The following ITGA6 variants were observed in gnomAD, a reference collection of about 807,000 sequenced individuals.
ITGA6 encodes the protein integrin subunit alpha 6, also known as integrin alpha-6.
In ITGA6, 63 loss-of-function variants were observed where a neutral mutation model predicts 133.6. The ratio of observed to expected loss-of-function variants is 0.47; its 90% CI spans 0.38 to 0.58. The LOEUF is 0.58. Ranked by LOEUF, ITGA6 falls within the 20% of genes least tolerant of loss-of-function variation. The probability of loss-of-function intolerance (pLI) is 0.00; values close to 1 mark genes in which losing one functional copy is unlikely to be tolerated. For missense variants in ITGA6, 1,068 were observed against 1,309.4 expected (o/e 0.82, Z 2.85); for synonymous variants, 434 against 482.0 (o/e 0.90, Z 1.30).
intron 1 of ITGA6, among the ~76,000 whole-genome samples, chr2:172,443,095 A>G (rs1183560640): frequency 6.6e-6 from 1 of 152,192 alleles, no homozygotes; most frequent in Non-Finnish European, 1.5e-5. Flanking sequence ...GGAGGCAACC[A>G]TTGTTTTACC....
rs377437086 is a variant in ITGA6, at chr2:172,505,548, A to G, written c.*1480A>G. On this transcript the variant is annotated 3_prime_UTR_variant, in exon 26 of 26. Coordinates refer to ENST00000684293, the MANE Select transcript of ITGA6 (RefSeq NM_000210.4). ...AGGGGGTGGAATTATTACTCTATAC[A>G]TTCAACAGAGACTGAATAGATATGA... The G allele has an allele frequency of 6.6e-6, 1 of 152,630 alleles. No individual in the cohort carries two copies. Among genetic ancestry groups the G allele is most frequent in the Non-Finnish European group, 1.5e-5 (1 of 68,032 alleles). The allele number at this position is 152,630 out of a possible 1,614,324, so 9.5% of individuals were successfully genotyped here. A position where few individuals can be genotyped will look rare whatever the true frequency, so the allele number is the denominator to read the frequency against.
chr2:172,487,854 A>T (rs1455262249), intron 17 of ITGA6, 47 bp downstream of exon 17: 1 of 1,501,118 alleles, frequency 6.7e-7, no homozygotes. Context: ...TCATGAAAAT[A>T]TGGGCAGTCA....
At chr2:172,488,506 CT>C (rs1283853948) in intron 19 of ITGA6, among the ~76,000 whole-genome samples, 3 of 152,166 alleles carry the variant, frequency 2.0e-5, no homozygotes, top group Non-Finnish European at 4.4e-5. Context: ...TTTCTCACTG[CT>C]TGTGGTTGAA....
At chr2:172,436,426 G>A (rs1420197381) in intron 1 of ITGA6, among the ~76,000 whole-genome samples, 2 of 152,212 alleles carry the variant, frequency 1.3e-5, no homozygotes, top group African/African-American at 4.8e-5. Flanking sequence ...CTGAGAAGGG[G>A]TTGTAGGAAT....
intron 1 of ITGA6, among the ~76,000 whole-genome samples, chr2:172,437,607 G>C (rs1343944076): frequency 6.6e-6 from 1 of 152,140 alleles, no homozygotes; most frequent in Non-Finnish European, 1.5e-5. Context: ...AGCCAAGTGA[G>C]TTATTTAGGC....
At chr2:172,446,527 G>A (rs1001025010) in intron 1 of ITGA6, among the ~76,000 whole-genome samples, 2 of 152,208 alleles carry the variant, frequency 1.3e-5, no homozygotes, top group African/African-American at 2.4e-5. Flanking sequence ...TCTACTATGT[G>A]CCGAGCACTG....
At chr2:172,452,462 G>T (rs921948242) in intron 1 of ITGA6, among the ~76,000 whole-genome samples, 1 of 152,122 alleles carries the variant, frequency 6.6e-6, no homozygotes, top group Non-Finnish European at 1.5e-5. Flanking sequence ...GGGATTGGGG[G>T]CTGGGCACGT....
intron 23 of ITGA6, among the ~76,000 whole-genome samples, chr2:172,496,253 A>G (rs1687123536): frequency 6.6e-6 from 1 of 152,210 alleles, no homozygotes; most frequent in African/African-American, 2.4e-5. Context: ...GGAGAGGGGA[A>G]GTGAGCCACG....
At chr2:172,484,717 C>G (rs1486292380) in intron 11 of ITGA6, 65 bp from the exon 12 acceptor site, 3 of 1,349,234 alleles carry the variant, frequency 2.2e-6, no homozygotes, top group Non-Finnish European at 3.2e-6. Flanking sequence ...AAAAGGAGTT[C>G]AACATGCTTG....
intron 5 of ITGA6, chr2:172,472,996 C>T (rs1686012652): frequency 5.7e-6 from 4 of 697,092 alleles, no homozygotes; most frequent in Non-Finnish European, 1.0e-5. Context: ...ATTTTGTTTC[C>T]ATTGAAGCAC....
chr2:172,474,257 C>T lies in ITGA6; in HGVS notation c.978C>T (p.Asn326=). 1 of 1,613,672 alleles carries T rather than the reference C, an allele frequency of 6.2e-7. No individual in the cohort carries two copies. The highest frequency in any genetic ancestry group is 8.5e-7 in the Non-Finnish European group (1 of 1,179,750). Residue 326 remains asparagine, a synonymous_variant, in exon 6 of 26, where the codon AAC becomes AAT. Transcript: ENST00000684293. ...ATGATGTGGCGGTGGTGGACCTCAACAAGGATGGGTGAGAAAGCCTCAGGT... is the reference window on the plus strand; with the variant it reads ...ATGATGTGGCGGTGGTGGACCTCAATAAGGATGGGTGAGAAAGCCTCAGGT... ...FGYDVAVVDL[N]KDGWQDIVIG...
chr2:172,501,230 G>A lies in ITGA6; in HGVS notation c.3115-542G>A, dbSNP rs144636666. 1.7e-3 allele frequency among the ~76,000 whole-genome samples: 266 copies of A among 152,222 alleles called. 1 individual carries two copies. Among genetic ancestry groups the A allele is most frequent in the African/African-American group, 6.0e-3 (249 of 41,538 alleles). Reference sequence around the variant, plus strand: ...ATCATTCTTTCATGATGGTGTATTCGAATTTGTATTGTGATTCACCCCACA... The same window carrying A: ...ATCATTCTTTCATGATGGTGTATTCAAATTTGTATTGTGATTCACCCCACA... On this transcript the variant is annotated intron_variant, in intron 24 of 25. Coordinates refer to ENST00000684293, the MANE Select transcript of ITGA6 (RefSeq NM_000210.4).
At chr2:172,462,888 T>C (rs908532779) in intron 1 of ITGA6, among the ~76,000 whole-genome samples, 4 of 152,160 alleles carry the variant, frequency 2.6e-5, no homozygotes, top group African/African-American at 7.2e-5. Flanking sequence ...TTGTCACCCA[T>C]TGTGTCCCTC....
At chr2:172,428,742 G>A (rs1454908183) in intron 1 of ITGA6, 1 of 152,182 alleles carries the variant, frequency 6.6e-6, no homozygotes, top group Non-Finnish European at 1.5e-5. Context: ...TCTGAGCCTG[G>A]ACTTTGCAAA....
intron 1 of ITGA6, among the ~76,000 whole-genome samples, chr2:172,462,069 C>T (rs1023869709): frequency 1.5e-4 from 23 of 152,192 alleles, no homozygotes; most frequent in Admixed American, 6.5e-5. Context: ...GGCAGCTTTA[C>T]CTTGAGGATG....
chr2:172,487,832 T>C, intron 17 of ITGA6, 25 bp downstream of exon 17: 2 of 1,542,336 alleles, frequency 1.3e-6, no homozygotes. Context: ...AACCTCTCCA[T>C]TCAGAATTAT....
At chr2:172,487,884 C>A in intron 17 of ITGA6, 77 bp downstream of exon 17, 2 of 1,489,058 alleles carry the variant, frequency 1.3e-6, no homozygotes, top group Non-Finnish European at 1.9e-6. Flanking sequence ...CCCTGATCTA[C>A]CTCATAAAAG....
chr2:172,491,357 C>G lies in ITGA6; in HGVS notation c.2889+26C>G, dbSNP rs769497740. On this transcript the variant is annotated intron_variant, in intron 22 of 25. Coordinates refer to ENST00000684293, the MANE Select transcript of ITGA6 (RefSeq NM_000210.4). The surrounding 1 kb of genome is among the most constrained non-coding windows in gnomAD (Gnocchi z 4.4). ...GTATGACCTTGGCTTGAGGCTGTCC[C>G]ATGGAAGTAATTTGCCTTTGCCTAG... 7 of 1,572,766 alleles carry G rather than the reference C, an allele frequency of 4.5e-6. No homozygotes were observed. Among genetic ancestry groups the G allele is most frequent in the Non-Finnish European group, 6.1e-6 (7 of 1,142,252 alleles).
In ITGA6 at chr2:172,427,705, A is replaced by G; in HGVS notation, c.-84A>G. The G allele has an allele frequency of 2.9e-6, 4 of 1,381,356 alleles. No homozygotes were observed. Among genetic ancestry groups the G allele is most frequent in the South Asian group, 1.7e-5 (1 of 58,364 alleles). The allele number at this position is 1,381,356 out of a possible 1,614,324, so 85.6% of individuals were successfully genotyped here. On this transcript the variant is annotated 5_prime_UTR_variant, in exon 1 of 26. Coordinates refer to ENST00000684293, the MANE Select transcript of ITGA6 (RefSeq NM_000210.4). The stretch of plus-strand genomic sequence containing the variant: ...GAGAGGAGGCGAAGGTGGCTGCGGT[A>G]GCAGCAGCGCGGCAGCCTCGGACCC...
Sources: allele counts gnomAD v4.1 joint callset (sites outside exome capture counted in the v4.1 genomes callset), GRCh38; gene constraint gnomAD v4.1.1; non-coding constraint Gnocchi (gnomAD v3.1); transcripts MANE v1.5; gene names NCBI Gene and HGNC (gene_info 2026-07-23, HGNC 2026-07-21).